DOCK4: variants seen among roughly 807,000 people sequenced by gnomAD.
The protein encoded by DOCK4 is dedicator of cytokinesis 4, also known as dedicator of cytokinesis protein 4.
A neutral mutation model predicts 268.1 loss-of-function variants in DOCK4; 97 were observed. That is an observed-to-expected ratio of 0.36 (90% CI 0.31 to 0.43). The LOEUF is 0.43. Among genes scored for constraint, DOCK4 ranks in the 20% least tolerant of loss-of-function variants. DOCK4 has a pLI of 1.00. For synonymous variants in DOCK4, 954 were observed against 887.2 expected, an observed-to-expected ratio of 1.08 and a Z score of -1.34; for missense variants, 2,145 against 2,455.7, an observed-to-expected ratio of 0.87 and a Z score of 2.67.
At chr7:111,775,673 C>A (rs570155956) in intron 36 of DOCK4, among the ~76,000 whole-genome samples, 1 of 152,156 alleles carries the variant, frequency 6.6e-6, no homozygotes, top group African/African-American at 2.4e-5. Flanking sequence ...GGTAGAAGAT[C>A]CCCTGTGGGG....
chr7:112,000,529 A>ACC lies in DOCK4; in HGVS notation c.125_126dup (p.Tyr43GlyfsTer7). The ACC allele has an allele frequency of 6.5e-7, 1 of 1,549,650 alleles. No individual in the cohort carries two copies. Among genetic ancestry groups the ACC allele is most frequent in the Non-Finnish European group, 8.8e-7 (1 of 1,140,272 alleles). The stretch of plus-strand genomic sequence containing the variant: ...GGGTTTTTTAAGGCAAATCCTCTGT[A>ACC]CCAGCCTGTGGAAAAATAATCATGG... On this transcript the variant is annotated frameshift_variant, in exon 3 of 53. Coordinates refer to ENST00000428084, the MANE Select transcript of DOCK4 (RefSeq NM_001363540.2). LOFTEE classifies it high-confidence loss of function.
At chr7:112,017,027 C>T (rs950424480) in intron 1 of DOCK4, among the ~76,000 whole-genome samples, 28 of 152,178 alleles carry the variant, frequency 1.8e-4, no homozygotes, top group South Asian at 8.3e-4. Context: ...TTGAATCAAA[C>T]TCTCTAGCTT....
At chr7:112,053,035 G>C (rs1405658686) in intron 1 of DOCK4, among the ~76,000 whole-genome samples, 1 of 152,136 alleles carries the variant, frequency 6.6e-6, no homozygotes, top group Non-Finnish European at 1.5e-5. Context: ...CTTACCCAGT[G>C]TTTATTCATT....
At chr7:112,096,092 G>A (rs187432588) in intron 1 of DOCK4, among the ~76,000 whole-genome samples, 42 of 152,148 alleles carry the variant, frequency 2.8e-4, no homozygotes, top group African/African-American at 9.9e-4. Flanking sequence ...ACTTTGTCTC[G>A]TAATAAATAA....
intron 27 of DOCK4, chr7:111,821,881 G>C (rs887113317): frequency 3.3e-5 from 5 of 152,440 alleles, no homozygotes; most frequent in African/African-American, 1.2e-4. Context: ...CAAATTTCTA[G>C]TAACAGAGAA....
chr7:112,110,912 G>A (rs1199923056), intron 1 of DOCK4, among the ~76,000 whole-genome samples: 3 of 152,178 alleles, frequency 2.0e-5, no homozygotes, highest in Admixed American at 6.5e-5. Context: ...CCCTGCCAGC[G>A]TCTTCCCCAT....
In DOCK4 at chr7:112,129,957, T is replaced by C. The variant is rs140960495; in HGVS notation, c.37+76145A>G. On this transcript the variant is annotated intron_variant, in intron 1 of 52. Transcript: ENST00000428084. Reference sequence around the variant, plus strand: ...CATTAACATATCCATAATCTTGGGCTTTCAGTAAAGCCATTCCCCCAGTGA... The same window carrying C: ...CATTAACATATCCATAATCTTGGGCCTTCAGTAAAGCCATTCCCCCAGTGA... Among the ~76,000 whole-genome samples the C allele has an allele frequency of 1.1e-3, 160 of 152,292 alleles. 2 individuals are homozygous for C. The East Asian group carries it at 0.027, about 26-fold the overall frequency.
intron 5 of DOCK4, 149 bp downstream of exon 5, chr7:111,993,986 G>A (rs1799730573): frequency 2.1e-6 from 1 of 469,802 alleles, no homozygotes; most frequent in South Asian, 4.9e-5. Context: ...CACAGAGATT[G>A]TAACAAGACT....
intron 42 of DOCK4, 95 bp downstream of exon 42, chr7:111,755,420 G>T: frequency 1.7e-6 from 2 of 1,199,938 alleles, no homozygotes; most frequent in Non-Finnish European, 1.2e-6. Context: ...TGCTTCCAGA[G>T]AATCTGGGTC....
At chr7:112,051,823 AT>A (rs1333790359) in intron 1 of DOCK4, among the ~76,000 whole-genome samples, 12 of 152,118 alleles carry the variant, frequency 7.9e-5, no homozygotes, top group African/African-American at 2.7e-4. Flanking sequence ...TCCAAAGACT[AT>A]TCCAATTTAT....
At chr7:112,159,722 T>C (rs1463199846) in intron 1 of DOCK4, among the ~76,000 whole-genome samples, 4 of 150,280 alleles carry the variant, frequency 2.7e-5, no homozygotes, top group Non-Finnish European at 5.9e-5. Flanking sequence ...TTCCACAAAA[T>C]AGTCACAATT....
At chr7:112,188,401 A>C (rs1819643533) in intron 1 of DOCK4, among the ~76,000 whole-genome samples, 1 of 152,246 alleles carries the variant, frequency 6.6e-6, no homozygotes, top group South Asian at 2.1e-4. Flanking sequence ...AAGAAGATAA[A>C]TGCTTTGCCT....
intron 21 of DOCK4, 67 bp downstream of exon 21, chr7:111,869,507 A>C (rs1386670937): frequency 2.1e-6 from 3 of 1,396,398 alleles, no homozygotes; most frequent in African/African-American, 1.4e-5. Flanking sequence ...TAGAGGAACC[A>C]ATTAGTTTAA....
rs766680867 is a variant in DOCK4 at position 111,877,090 on chromosome 7, C to G, written c.1684G>C (p.Ala562Pro). The change falls in exon 17 of 53, where the codon GCC becomes CCC. Residue 562 changes from alanine (A) to proline (P), a missense_variant. Coordinates refer to ENST00000428084, the MANE Select transcript of DOCK4 (RefSeq NM_001363540.2). ...GTAATACAAAAGGACTCCTTTGTGG[C>G]CTTCATGGCTTGATTATTATTCCCA... ...FLGNNNQAMK[A>P]TKESFCITSF... 6.3e-7 allele frequency: 1 copy of G among 1,589,928 alleles called. No homozygotes were observed. Among genetic ancestry groups the G allele is most frequent in the Non-Finnish European group, 8.6e-7 (1 of 1,169,050 alleles).
At chr7:112,020,330 A>G (rs1802205949) in intron 1 of DOCK4, among the ~76,000 whole-genome samples, 1 of 152,182 alleles carries the variant, frequency 6.6e-6, no homozygotes, top group Non-Finnish European at 1.5e-5. Context: ...CTGTGCATCA[A>G]TCCTGAACCC....
chr7:111,970,174 G>T (rs910190037), intron 8 of DOCK4, among the ~76,000 whole-genome samples: 5 of 152,162 alleles, frequency 3.3e-5, no homozygotes, highest in African/African-American at 1.2e-4. Flanking sequence ...AAAATAGGTT[G>T]ATGAAGAATA....
At chr7:111,740,279 T>G in intron 47 of DOCK4, 1 of 281,012 alleles carries the variant, frequency 3.6e-6, no homozygotes. Flanking sequence ...TTTGTATTTT[T>G]GATAGAGACG....
chr7:111,919,291 T>C (rs928044361), intron 12 of DOCK4, among the ~76,000 whole-genome samples: 7 of 151,632 alleles, frequency 4.6e-5, no homozygotes, highest in African/African-American at 1.7e-4. Flanking sequence ...AAAAGACAGA[T>C]GGAGGGGGAG....
rs1384187724 is a variant in DOCK4, at chr7:111,735,112, G to A, written c.5361C>T (p.Asn1787=). ...AGATAAGTTTCCCACTATCCGACAT[G>A]TTCTTGGCTTCCTTCCCACTGTCCA... ...WSLDSGKEAK[N]MSDSGKLISP... Residue 1787 remains asparagine, a synonymous_variant, in exon 51 of 53, where the codon AAC becomes AAT. Coordinates refer to ENST00000428084, the MANE Select transcript of DOCK4 (RefSeq NM_001363540.2). The A allele has an allele frequency of 2.5e-6, 4 of 1,602,468 alleles. No individual in the cohort carries two copies. Among genetic ancestry groups the A allele is most frequent in the South Asian group, 1.1e-5 (1 of 88,306 alleles).
Sources: allele counts gnomAD v4.1 joint callset (sites outside exome capture counted in the v4.1 genomes callset), GRCh38; gene constraint gnomAD v4.1.1; transcripts MANE v1.5; gene names NCBI Gene and HGNC (gene_info 2026-07-23, HGNC 2026-07-21).